The following TET1 variants were observed in gnomAD, a reference collection of about 807,000 sequenced individuals.
TET1 encodes tet methylcytosine dioxygenase 1.
Under a neutral mutation model 148.7 loss-of-function variants are expected in TET1, and 13 were observed. The observed-to-expected ratio is 0.09, with a 90% CI of 0.06 to 0.14. The LOEUF (loss-of-function observed/expected upper bound fraction) is 0.14. Among genes scored for constraint, TET1 ranks in the 10% least tolerant of loss-of-function variants. The probability of loss-of-function intolerance (pLI) is 1.00; values close to 1 mark genes in which losing one functional copy is unlikely to be tolerated. For synonymous variants in TET1, 907 were observed against 937.2 expected (o/e 0.97, Z 0.59); for missense variants, 2,182 against 2,553.8 (o/e 0.85, Z 3.14).
At chr10:68,577,279 T>G (rs1055300974) in intron 2 of TET1, among the ~76,000 whole-genome samples, 1 of 148,372 alleles carries the variant, frequency 6.7e-6, no homozygotes, top group Non-Finnish European at 1.5e-5. Flanking sequence ...TCTCCTGACC[T>G]CAGATGATCT....
Position 68,686,487 on chromosome 10 carries a change from G to C in TET1, c.5184G>C (p.Lys1728Asn). 6.2e-7 allele frequency: 1 copy of C among 1,614,118 alleles called. No individual in the cohort carries two copies. The highest frequency in any genetic ancestry group is 1.1e-5 in the South Asian group (1 of 91,082). Residue 1728 changes from lysine to asparagine, a missense_variant, in exon 11 of 12, where the codon AAG (lysine) becomes AAC (asparagine). Coordinates refer to ENST00000373644, the MANE Select transcript of TET1 (RefSeq NM_030625.3). ...GCTCCAAGGAAGGAATGGAAGCCAA[G>C]ATCAAATCTGGGGCCATCGAGGTCC... is the stretch of plus-strand genomic sequence containing the variant. ...EFGSKEGMEA[K>N]IKSGAIEVLA...
intron 1 of TET1, among the ~76,000 whole-genome samples, chr10:68,569,252 A>C (rs2053640823): frequency 7.0e-6 from 1 of 142,552 alleles, no homozygotes; most frequent in Admixed American, 7.6e-5. Flanking sequence ...GGCTCACTGC[A>C]AGCTCTGCCT....
Position 68,573,844 on chromosome 10 carries a change from G to T in TET1, c.1506G>T (p.Gln502His). 6.2e-7 allele frequency: 1 copy of T among 1,614,094 alleles called. No homozygotes were observed. The highest frequency in any genetic ancestry group is 1.7e-5 in the Admixed American group (1 of 60,006). The change falls in exon 2 of 12, where the codon CAG becomes CAT. Residue 502 changes from glutamine to histidine, a missense_variant. By Grantham distance (24) the Gln-to-His change is conservative. Coordinates refer to ENST00000373644, the MANE Select transcript of TET1 (RefSeq NM_030625.3). Reference protein sequence around the residue: ...MAISNVENEKQVHISFLPANT... With the variant: ...MAISNVENEKHVHISFLPANT... Reference sequence around the variant, plus strand: ...TAAGCAATGTAGAAAATGAGAAGCAGGTTCATATAAGCTTCCTGCCAGCTA... The same window carrying T: ...TAAGCAATGTAGAAAATGAGAAGCATGTTCATATAAGCTTCCTGCCAGCTA...
chr10:68,580,085 C>T (rs150983886), intron 2 of TET1, among the ~76,000 whole-genome samples: 2,443 of 151,748 alleles, frequency 0.016, 20 homozygotes, highest in Non-Finnish European at 0.026. Flanking sequence ...CACACCACCA[C>T]GCCCAGCTAA....
intron 3 of TET1, among the ~76,000 whole-genome samples, chr10:68,601,537 A>G (rs1006046089): frequency 6.6e-6 from 1 of 152,234 alleles, no homozygotes; most frequent in African/African-American, 2.4e-5. Context: ...TCAAATTCTC[A>G]TAATATCATC....
At chr10:68,675,316 G>C (rs978558326) in intron 8 of TET1, among the ~76,000 whole-genome samples, 11 of 152,160 alleles carry the variant, frequency 7.2e-5, no homozygotes, top group African/African-American at 2.4e-4. Context: ...GATGCACTAA[G>C]AAGGATAAGA....
intron 3 of TET1, among the ~76,000 whole-genome samples, chr10:68,612,492 G>C (rs1428991999): frequency 6.6e-6 from 1 of 152,154 alleles, no homozygotes; most frequent in Non-Finnish European, 1.5e-5. Flanking sequence ...CCCGGAGTTT[G>C]AGACCAGCCT....
chr10:68,693,813 T>C lies in TET1; in HGVS notation c.*1999T>C, dbSNP rs2055622642. The stretch of plus-strand genomic sequence containing the variant: ...CCTTGCGAGATTATGTTTTAGATTT[T>C]AGGCCTTAGCTCCCACTAGAAATTA... On this transcript the variant is annotated 3_prime_UTR_variant, in exon 12 of 12. Transcript: ENST00000373644. The C allele has an allele frequency of 4.3e-6, 1 of 230,698 alleles. No individual in the cohort carries two copies. Among genetic ancestry groups the C allele is most frequent in the Non-Finnish European group, 8.6e-6 (1 of 116,562 alleles). 14.3% of individuals were successfully genotyped at this position (230,698 alleles called of 1,614,324 possible). A position where few individuals can be genotyped will look rare whatever the true frequency, so the allele number is the denominator to read the frequency against.
chr10:68,674,456 A>C, intron 8 of TET1: 1 of 394,870 alleles, frequency 2.5e-6, no homozygotes, highest in South Asian at 2.4e-5. Flanking sequence ...TTGGGAAGAC[A>C]CTAGTCACCA....
intron 6 of TET1, among the ~76,000 whole-genome samples, chr10:68,661,294 C>T (rs890311337): frequency 1.3e-5 from 2 of 149,822 alleles, no homozygotes; most frequent in African/African-American, 2.5e-5. Context: ...GTGATCCGCC[C>T]GCCTCGGCCT....
intron 1 of TET1, among the ~76,000 whole-genome samples, chr10:68,571,192 G>A (rs1443566825): frequency 2.0e-5 from 3 of 151,630 alleles, no homozygotes; most frequent in Non-Finnish European, 4.4e-5. Context: ...GTTTTGACAC[G>A]TTGGCCAGGC....
At chr10:68,676,288 T>C (rs2055360313) in intron 8 of TET1, among the ~76,000 whole-genome samples, 1 of 119,930 alleles carries the variant, frequency 8.3e-6, no homozygotes, top group Non-Finnish European at 1.7e-5. Flanking sequence ...TTTTTTTTTT[T>C]TTTTTTTTCT....
chr10:68,569,888 T>C (rs905270973), intron 1 of TET1, among the ~76,000 whole-genome samples: 1 of 152,164 alleles, frequency 6.6e-6, no homozygotes, highest in Non-Finnish European at 1.5e-5. Context: ...TTCATCAACT[T>C]AAATCATTTG....
At chr10:68,579,831 T>G (rs1005801270) in intron 2 of TET1, among the ~76,000 whole-genome samples, 5 of 152,206 alleles carry the variant, frequency 3.3e-5, no homozygotes, top group Non-Finnish European at 5.9e-5. Context: ...TGCATACATT[T>G]CCCCAGTGCA....
intron 7 of TET1, among the ~76,000 whole-genome samples, chr10:68,672,516 A>C (rs1589127717): frequency 1.7e-5 from 2 of 115,152 alleles, no homozygotes; most frequent in African/African-American, 3.3e-5. Flanking sequence ...AAAAAACACC[A>C]AAAAAAAAAA....
chr10:68,572,417 C>A lies in TET1; in HGVS notation c.79C>A (p.Leu27Ile). ...DVNKKKKNSQ[L>I]RKTTKGANKN... ...AAACAAAAAAAAGAAAAACAGCCAA[C>A]TACGAAAGACAACCAAGGGAGCCAA... Residue 27 changes from leucine to isoleucine, a missense_variant, in exon 2 of 12, where the codon CTA (leucine) becomes ATA (isoleucine). By Grantham distance (5) the Leu-to-Ile change is conservative. Transcript: ENST00000373644. 6.2e-7 allele frequency: 1 copy of A among 1,613,530 alleles called. No individual in the cohort carries two copies. The highest frequency in any genetic ancestry group is 8.5e-7 in the Non-Finnish European group (1 of 1,179,904).
intron 6 of TET1, 44 bp from the exon 7 acceptor site, chr10:68,667,001 T>G: frequency 6.5e-7 from 1 of 1,531,556 alleles, no homozygotes. Flanking sequence ...CATTCAAATT[T>G]GGCATACTTG....
rs767493807 is a variant in TET1, at chr10:68,573,386, G to C, written c.1048G>C (p.Glu350Gln). 1.2e-6 allele frequency: 2 copies of C among 1,613,946 alleles called. No homozygotes were observed. The highest frequency in any genetic ancestry group is 2.7e-5 in the African/African-American group (2 of 74,872). ...GAKPDHQEAF[E>Q]ATANQQEVSD... ...TAAACCAGATCATCAAGAGGCCTTC[G>C]AAGCTACTGCAAATCAACAGGAAGT... Residue 350 changes from glutamate to glutamine, a missense_variant, in exon 2 of 12, where the codon GAA (glutamate) becomes CAA (glutamine). By Grantham distance (29) the Glu-to-Gln change is conservative. This residue lies in a region of TET1 where 665 missense variants were observed against 672.4 expected (regional missense o/e 0.99). Transcript: ENST00000373644.
At chr10:68,679,502 T>A (rs1386139622) in intron 8 of TET1, among the ~76,000 whole-genome samples, 1 of 152,254 alleles carries the variant, frequency 6.6e-6, no homozygotes, top group Non-Finnish European at 1.5e-5. Context: ...TCTGCATTGT[T>A]CCACTTGTAG....
Sources: allele counts gnomAD v4.1 joint callset (sites outside exome capture counted in the v4.1 genomes callset), GRCh38; gene constraint gnomAD v4.1.1; regional missense constraint gnomAD v4.1.1; transcripts MANE v1.5; gene names NCBI Gene and HGNC (gene_info 2026-07-23, HGNC 2026-07-21).